XRRA1: variants seen among roughly 807,000 people sequenced by gnomAD.
The protein encoded by XRRA1 is X-ray radiation resistance associated 1, also known as X-ray radiation resistance-associated protein 1.
XRRA1 carries 69 observed loss-of-function variants against 80.2 expected under a neutral mutation model. The ratio of observed to expected loss-of-function variants is 0.86; its 90% CI spans 0.71 to 1.05. XRRA1 has a LOEUF of 1.05. Ranked by LOEUF, XRRA1 falls within the 50% of genes least tolerant of loss-of-function variation. The probability of loss-of-function intolerance (pLI) is 0.00; values close to 1 mark genes in which losing one functional copy is unlikely to be tolerated. For missense variants in XRRA1, 967 were observed against 976.4 expected (o/e 0.99, Z 0.13); for synonymous variants, 348 against 389.9 (o/e 0.89, Z 1.27).
Position 74,881,569 on chromosome 11 carries a change from T to C in XRRA1, c.1004-18548A>G, listed in dbSNP as rs796969397. 3.9e-4 allele frequency among the ~76,000 whole-genome samples: 59 copies of C among 152,058 alleles called. No homozygotes were observed. In the South Asian group the frequency reaches 0.012, roughly 31 times the overall value. On this transcript the variant is annotated intron_variant, in intron 10 of 18. Coordinates refer to ENST00000684022, the MANE Select transcript of XRRA1 (RefSeq NM_001378157.1). ...GTTTCTTCCTAGTCTCGATGGTCTT[T>C]ACATTTTGGCATGATTTTGCAGCAG...
At chr11:74,868,662 A>G (rs1164258363) in intron 10 of XRRA1, among the ~76,000 whole-genome samples, 1 of 152,138 alleles carries the variant, frequency 6.6e-6, no homozygotes, top group East Asian at 1.9e-4. Context: ...CTACCAAGCA[A>G]ATGGAAAAGA....
chr11:74,866,173 C>G (rs1179339709), intron 10 of XRRA1, among the ~76,000 whole-genome samples: 1 of 152,148 alleles, frequency 6.6e-6, no homozygotes, highest in Admixed American at 6.5e-5. Flanking sequence ...AGAGATCAAA[C>G]ATAAAGTAAT....
chr11:74,930,383 G>A lies in XRRA1; in HGVS notation c.352-11C>T. 6.5e-7 allele frequency: 1 copy of A among 1,528,922 alleles called. No homozygotes were observed. The highest frequency in any genetic ancestry group is 8.8e-7 in the Non-Finnish European group (1 of 1,139,932). 94.7% of individuals were successfully genotyped at this position (1,528,922 alleles called of 1,614,324 possible). ...GTCATTTTCCTTGGCCTGTAGGAAA[G>A]CATTTCAGAAAAAAAAAAAAATCCA... On this transcript the variant is annotated splice_polypyrimidine_tract_variant and intron_variant, in intron 5 of 18. Coordinates refer to ENST00000684022, the MANE Select transcript of XRRA1 (RefSeq NM_001378157.1).
chr11:74,935,439 C>T (rs1033040141), intron 4 of XRRA1, among the ~76,000 whole-genome samples: 1 of 152,196 alleles, frequency 6.6e-6, no homozygotes, highest in Non-Finnish European at 1.5e-5. Context: ...AATTAGTTTA[C>T]AACATATAGA....
Position 74,848,209 on chromosome 11 carries a change from GTC to G in XRRA1, c.1632_1633del (p.Glu544AspfsTer7). On this transcript the variant is annotated frameshift_variant, in exon 15 of 19. Coordinates refer to ENST00000684022, the MANE Select transcript of XRRA1 (RefSeq NM_001378157.1). LOFTEE classifies it high-confidence loss of function. ...AGTTGTGTCACTCAGGTGGGACAGG[GTC>G]TCTTCACTATGCACAGTGGAGTTGG... The G allele has an allele frequency of 6.2e-7, 1 of 1,613,910 alleles. No homozygotes were observed. The highest frequency in any genetic ancestry group is 1.3e-5 in the African/African-American group (1 of 75,026).
intron 12 of XRRA1, among the ~76,000 whole-genome samples, chr11:74,856,766 A>G (rs1280151386): frequency 1.3e-5 from 2 of 152,204 alleles, no homozygotes; most frequent in East Asian, 3.8e-4. Context: ...GATAGCTCCC[A>G]CCACAAAAAG....
intron 2 of XRRA1, among the ~76,000 whole-genome samples, chr11:74,943,027 G>C (rs533977024): frequency 6.6e-6 from 1 of 152,252 alleles, no homozygotes; most frequent in South Asian, 2.1e-4. Context: ...GCTCCTTCAG[G>C]GACAGTTGTG....
At chr11:74,907,087 A>G in intron 9 of XRRA1, 58 bp downstream of exon 9, 3 of 1,606,862 alleles carry the variant, frequency 1.9e-6, no homozygotes, top group Non-Finnish European at 8.5e-7. Context: ...CAGCACTCAG[A>G]GTGTGAGCAA....
At chr11:74,935,930 A>G (rs1944867784) in intron 4 of XRRA1, among the ~76,000 whole-genome samples, 1 of 152,206 alleles carries the variant, frequency 6.6e-6, no homozygotes, top group Non-Finnish European at 1.5e-5. Flanking sequence ...CCTCCTCAGT[A>G]TAATTATTTC....
chr11:74,921,778 G>C (rs1940873309), intron 7 of XRRA1, among the ~76,000 whole-genome samples: 1 of 152,132 alleles, frequency 6.6e-6, no homozygotes, highest in South Asian at 2.1e-4. Context: ...ACTGCTTTCA[G>C]GGTACTTATC....
In XRRA1 at chr11:74,906,456, T is replaced by C. The variant is rs763583435; in HGVS notation, c.786A>G (p.Arg262=). ...SCFASLAGLR[R]LKKLSLDENR... ...TTTCATCCAAGCTTAACTTCTTCAG[T>C]CTTCAATTAAGGAAAGTGAATATAG... is the stretch of plus-strand genomic sequence containing the variant. Residue 262 remains arginine, a splice_region_variant and synonymous_variant, in exon 10 of 19, where the codon AGA becomes AGG. Coordinates refer to ENST00000684022, the MANE Select transcript of XRRA1 (RefSeq NM_001378157.1). The C allele has an allele frequency of 6.2e-7, 1 of 1,613,772 alleles. No homozygotes were observed. The highest frequency in any genetic ancestry group is 1.7e-5 in the Admixed American group (1 of 59,970).
chr11:74,845,269 C>T lies in XRRA1; in HGVS notation c.1731G>A (p.Val577=), dbSNP rs772196398. ...GGATGACGGAGGAAGGCAGTTCACT[C>T]ACCTGTGCCCAGGAAGAAAACGCAT... ...KSTESIFLTQ[V]SELPSSVIHK... is the part of the protein sequence containing the mutation. The change falls in exon 16 of 19, where the codon GTG becomes GTA. Residue 577 remains valine, a splice_region_variant and synonymous_variant. Transcript: ENST00000684022. 1.9e-6 allele frequency: 3 copies of T among 1,610,322 alleles called. No homozygotes were observed. The highest frequency in any genetic ancestry group is 1.1e-5 in the South Asian group (1 of 90,704).
chr11:74,886,310 A>T (rs2049003246), intron 10 of XRRA1, among the ~76,000 whole-genome samples: 1 of 152,218 alleles, frequency 6.6e-6, no homozygotes, highest in Non-Finnish European at 1.5e-5. Flanking sequence ...CACCTAGGAA[A>T]CGCCATAGTC....
intron 8 of XRRA1, among the ~76,000 whole-genome samples, chr11:74,918,134 C>A (rs1183454636): frequency 6.6e-6 from 1 of 152,120 alleles, no homozygotes; most frequent in Non-Finnish European, 1.5e-5. Flanking sequence ...AAGACCACAT[C>A]AGTTAAAGAA....
rs551197281 is a variant in XRRA1 at position 74,927,448 on chromosome 11, G to A, written c.465C>T (p.Leu155=). The A allele has an allele frequency of 5.0e-6, 8 of 1,613,552 alleles. No individual in the cohort carries two copies. The highest frequency in any genetic ancestry group is 2.2e-5 in the East Asian group (1 of 44,874). ...AGATAGTTTTGATGCCATTAAATGC[G>A]AGATCCAGTTCCTTTAGGGCTGGAA... is the stretch of plus-strand genomic sequence containing the variant. ...HTFPALKELD[L]AFNGIKTIYV... Residue 155 remains leucine, a synonymous_variant, in exon 7 of 19, where the codon CTC becomes CTT. Coordinates refer to ENST00000684022, the MANE Select transcript of XRRA1 (RefSeq NM_001378157.1).
intron 10 of XRRA1, among the ~76,000 whole-genome samples, chr11:74,901,849 T>C (rs2053622985): frequency 1.3e-5 from 2 of 152,236 alleles, no homozygotes; most frequent in Non-Finnish European, 1.5e-5. Flanking sequence ...TCCAGGACAC[T>C]GGTCTGGGCA....
At position 74,844,282 on chromosome 11, in the gene XRRA1, T is replaced by G. The variant is rs372286156; in HGVS notation, c.1929A>C (p.Gly643=). ...GCAGGGCTTGTGCATTCTTCTGGATTCCTAGGGCAAGAAGGCAAGACTGAG... is the reference window on the plus strand; with the variant it reads ...GCAGGGCTTGTGCATTCTTCTGGATGCCTAGGGCAAGAAGGCAAGACTGAG... ...KPDPAFIEPK[G]IQKNAQALQQ... is the part of the protein sequence containing the mutation. Residue 643 remains glycine, a splice_region_variant and synonymous_variant, in exon 17 of 19, where the codon GGA becomes GGC. Coordinates refer to ENST00000684022, the MANE Select transcript of XRRA1 (RefSeq NM_001378157.1). The G allele has an allele frequency of 5.6e-4, 896 of 1,611,646 alleles. 9 individuals carry two copies. In the South Asian group the frequency reaches 9.4e-3, roughly 17 times the overall value.
At chr11:74,863,408 G>A (rs1047246384) in intron 10 of XRRA1, 1 of 209,036 alleles carries the variant, frequency 4.8e-6, no homozygotes, top group African/African-American at 2.3e-5. Flanking sequence ...AGTCCATACT[G>A]AGCAGAAAGC....
At chr11:74,945,936 T>C (rs1947425495) in intron 1 of XRRA1, among the ~76,000 whole-genome samples, 1 of 152,042 alleles carries the variant, frequency 6.6e-6, no homozygotes, top group Non-Finnish European at 1.5e-5. Flanking sequence ...AGGCTGAGCC[T>C]CCTCAAGCCC....
Sources: gnomAD v4.1 joint callset for allele counts (sites outside exome capture counted in the v4.1 genomes callset) on GRCh38, gnomAD v4.1.1 for gene constraint, MANE v1.5 for transcripts, NCBI Gene and HGNC (gene_info 2026-07-23, HGNC 2026-07-21) for gene names.